EDIL3: variants seen among roughly 807,000 people sequenced by gnomAD.
EDIL3 encodes the protein EGF like and discoidin domains 3.
In EDIL3, 37 loss-of-function variants were observed where a neutral mutation model predicts 67.4. The ratio of observed to expected loss-of-function variants is 0.55; its 90% CI spans 0.42 to 0.72. The LOEUF (loss-of-function observed/expected upper bound fraction) is 0.72. Ranked by LOEUF, EDIL3 falls within the 30% of genes least tolerant of loss-of-function variation. EDIL3 has a pLI of 0.00. For synonymous variants in EDIL3, 195 were observed against 196.3 expected (o/e 0.99, Z 0.05); for missense variants, 527 against 586.3 (o/e 0.90, Z 1.04).
chr5:84,069,649 T>C (rs1746700954), intron 6 of EDIL3, among the ~76,000 whole-genome samples: 1 of 151,982 alleles, frequency 6.6e-6, no homozygotes, highest in South Asian at 2.1e-4. Context: ...TTTTGAGAAG[T>C]GTATTATAAA....
intron 2 of EDIL3, among the ~76,000 whole-genome samples, chr5:84,242,585 C>T (rs1173248856): frequency 6.6e-6 from 1 of 151,822 alleles, no homozygotes; most frequent in Non-Finnish European, 1.5e-5. Context: ...ATTGCTTGAG[C>T]CCAGAAGTTC....
At chr5:84,137,205 A>G (rs1361912925) in intron 5 of EDIL3, 36 bp downstream of exon 5, 1 of 1,476,998 alleles carries the variant, frequency 6.8e-7, no homozygotes, top group Non-Finnish European at 9.4e-7. Context: ...ACACACACAC[A>G]CACACACACA....
chr5:84,231,776 G>GA (rs960270104), intron 2 of EDIL3, among the ~76,000 whole-genome samples: 13 of 151,554 alleles, frequency 8.6e-5, no homozygotes, highest in African/African-American at 1.9e-4. Context: ...GTTCAAAGAG[G>GA]AAAAAAAATG....
chr5:84,322,717 C>T (rs78492921), intron 1 of EDIL3, among the ~76,000 whole-genome samples: 2,862 of 151,932 alleles, frequency 0.019, 89 homozygotes, highest in African/African-American at 0.064. Context: ...TCCAAAAGGT[C>T]GATGAACTTC....
chr5:83,948,418 A>G (rs1190881173), intron 10 of EDIL3, among the ~76,000 whole-genome samples: 1 of 151,766 alleles, frequency 6.6e-6, no homozygotes, highest in East Asian at 1.9e-4. Flanking sequence ...AAGTCTTATG[A>G]AAATTTTCAC....
At chr5:84,036,455 AC>A (rs1406079039) in intron 9 of EDIL3, among the ~76,000 whole-genome samples, 1 of 152,204 alleles carries the variant, frequency 6.6e-6, no homozygotes, top group Non-Finnish European at 1.5e-5. Flanking sequence ...TCCAGAAAAG[AC>A]AGATCTTTTG....
rs550908312 is a variant in EDIL3 at position 84,286,237 on chromosome 5, A to C, written c.68-32025T>G. 2.2e-4 allele frequency among the ~76,000 whole-genome samples: 34 copies of C among 152,276 alleles called. 1 individual carries two copies. Among genetic ancestry groups the C allele is most frequent in the African/African-American group, 7.9e-4 (33 of 41,558 alleles). On this transcript the variant is annotated intron_variant, in intron 1 of 10. Transcript: ENST00000296591. The stretch of plus-strand genomic sequence containing the variant: ...TTGTGATAGCATGCATTTTCACAAA[A>C]ACCAATGTGTGCTTTAGCTTGCTAC...
intron 3 of EDIL3, among the ~76,000 whole-genome samples, chr5:84,225,221 G>T (rs559673184): frequency 6.6e-6 from 1 of 151,492 alleles, no homozygotes; most frequent in African/African-American, 2.4e-5. Context: ...AATCAATAAG[G>T]GGATGCATGC....
At chr5:84,038,857 T>C (rs1387448583) in intron 9 of EDIL3, among the ~76,000 whole-genome samples, 2 of 152,206 alleles carry the variant, frequency 1.3e-5, no homozygotes, top group African/African-American at 4.8e-5. Context: ...GTACTACTAA[T>C]CTCTAGTTTC....
chr5:84,321,386 T>G (rs1392846235), intron 1 of EDIL3, among the ~76,000 whole-genome samples: 1 of 152,162 alleles, frequency 6.6e-6, no homozygotes, highest in African/African-American at 2.4e-5. Context: ...AAACGTTAGA[T>G]GCAGAGCAGC....
At chr5:84,371,698 A>G (rs1357699992) in intron 1 of EDIL3, among the ~76,000 whole-genome samples, 1 of 151,886 alleles carries the variant, frequency 6.6e-6, no homozygotes, top group Non-Finnish European at 1.5e-5. Flanking sequence ...TATCTCATAT[A>G]ATAGAAGTAA....
chr5:84,178,532 G>T lies in EDIL3; in HGVS notation c.355+1861C>A, dbSNP rs555814124. 4.0e-4 allele frequency among the ~76,000 whole-genome samples: 61 copies of T among 152,222 alleles called. No homozygotes were observed. The East Asian group carries it at 0.011, about 28-fold the overall frequency. ...ATTTCATCTATAAAGAGGACAGCTT[G>T]CTAACCTTTGTACAGTGAGTAAGCT... On this transcript the variant is annotated intron_variant, in intron 4 of 10. Coordinates refer to ENST00000296591, the MANE Select transcript of EDIL3 (RefSeq NM_005711.5).
intron 3 of EDIL3, among the ~76,000 whole-genome samples, chr5:84,196,141 A>G (rs1743699090): frequency 6.6e-6 from 1 of 152,008 alleles, no homozygotes; most frequent in South Asian, 2.1e-4. Context: ...CCATAAACTC[A>G]GGAAACACAG....
intron 1 of EDIL3, among the ~76,000 whole-genome samples, chr5:84,255,533 C>T (rs1352397656): frequency 1.3e-5 from 2 of 152,088 alleles, no homozygotes; most frequent in African/African-American, 2.4e-5. Flanking sequence ...GTGAAACTGC[C>T]ACCTCCTGGA....
At chr5:84,061,357 A>C (rs1022917208) in intron 8 of EDIL3, among the ~76,000 whole-genome samples, 2 of 152,124 alleles carry the variant, frequency 1.3e-5, no homozygotes, top group African/African-American at 4.8e-5. Context: ...ATAGACACAA[A>C]ATTTCCCAGT....
At chr5:84,265,598 T>C (rs771481482) in intron 1 of EDIL3, among the ~76,000 whole-genome samples, 3 of 152,246 alleles carry the variant, frequency 2.0e-5, no homozygotes, top group Admixed American at 6.5e-5. Flanking sequence ...AGAGTTGATA[T>C]ATGTTCTAAT....
chr5:84,055,597 C>G (rs988754890), intron 9 of EDIL3, among the ~76,000 whole-genome samples: 15 of 151,728 alleles, frequency 9.9e-5, no homozygotes, highest in Non-Finnish European at 2.2e-4. Flanking sequence ...ACAAAGAACT[C>G]AAACAAATTT....
At chr5:84,187,362 T>C (rs1330855137) in intron 3 of EDIL3, among the ~76,000 whole-genome samples, 1 of 152,068 alleles carries the variant, frequency 6.6e-6, no homozygotes, top group Non-Finnish European at 1.5e-5. Flanking sequence ...CTTACACACT[T>C]AGAGACTGTG....
intron 1 of EDIL3, among the ~76,000 whole-genome samples, chr5:84,308,545 C>G (rs1746317786): frequency 6.6e-6 from 1 of 152,094 alleles, no homozygotes; most frequent in Non-Finnish European, 1.5e-5. Flanking sequence ...TATTGTATTT[C>G]AAGTTAATTC....
Sources: allele counts gnomAD v4.1 joint callset (sites outside exome capture counted in the v4.1 genomes callset), GRCh38; gene constraint gnomAD v4.1.1; transcripts MANE v1.5; gene names NCBI Gene and HGNC (gene_info 2026-07-23, HGNC 2026-07-21).